The following MAP3K5 variants were observed in gnomAD, a reference collection of about 807,000 sequenced individuals.
MAP3K5 encodes the protein mitogen-activated protein kinase kinase kinase 5, also known as ASK-1.
A neutral mutation model predicts 158.7 loss-of-function variants in MAP3K5; 56 were observed. That is an observed-to-expected ratio of 0.35 (90% CI 0.28 to 0.44). The LOEUF is 0.44. MAP3K5 is among the 20% of genes least tolerant of loss of function. The probability of loss-of-function intolerance (pLI) is 1.00; values close to 1 mark genes in which losing one functional copy is unlikely to be tolerated. For missense variants in MAP3K5, 1,294 were observed against 1,674.8 expected (o/e 0.77, Z 3.97); for synonymous variants, 579 against 601.7 (o/e 0.96, Z 0.55).
chr6:136,644,668 G>T (rs1778159383), intron 11 of MAP3K5, among the ~76,000 whole-genome samples: 2 of 152,174 alleles, frequency 1.3e-5, no homozygotes, highest in Non-Finnish European at 2.9e-5. Context: ...AATAAATTTT[G>T]CCCAGGTTCA....
Position 136,695,958 on chromosome 6 carries a change from G to A in MAP3K5, c.1075C>T (p.Leu359=), listed in dbSNP as rs1780585499. 1 of 1,609,444 alleles carries A rather than the reference G, an allele frequency of 6.2e-7. No homozygotes were observed. Among genetic ancestry groups the A allele is most frequent in the Non-Finnish European group, 8.5e-7 (1 of 1,176,462 alleles). The change falls in exon 6 of 30, where the codon CTG becomes TTG. Residue 359 remains leucine (L), a synonymous_variant. Coordinates refer to ENST00000359015, the MANE Select transcript of MAP3K5 (RefSeq NM_005923.4). ...GGAACTTTTTCTTCTTACCTATTCA[G>A]TGCAAATGCATAATGAAACTTCACA... ...HHVKFHYAFA[L]NRRNLPGDRA... is the part of the protein sequence containing the mutation.
intron 7 of MAP3K5, among the ~76,000 whole-genome samples, chr6:136,676,514 T>C (rs1437673702): frequency 6.6e-6 from 1 of 152,174 alleles, no homozygotes; most frequent in Admixed American, 6.5e-5. Flanking sequence ...AATACTGATG[T>C]TGTTTATATA....
intron 1 of MAP3K5, among the ~76,000 whole-genome samples, chr6:136,739,439 A>G (rs1326598107): frequency 6.6e-6 from 1 of 152,204 alleles, no homozygotes; most frequent in Non-Finnish European, 1.5e-5. Context: ...AGAGTGGGCC[A>G]TGGGTCAGGG....
At chr6:136,779,333 C>T (rs957434339) in intron 1 of MAP3K5, among the ~76,000 whole-genome samples, 3 of 150,610 alleles carry the variant, frequency 2.0e-5, no homozygotes, top group African/African-American at 7.3e-5. Context: ...GTCCCAGCTA[C>T]GTGGGAGGCT....
intron 2 of MAP3K5, among the ~76,000 whole-genome samples, chr6:136,710,996 GAGA>G: frequency 6.6e-6 from 1 of 152,252 alleles, no homozygotes; most frequent in South Asian, 2.1e-4. Context: ...AGGCCTTGCT[GAGA>G]AGGAGAAACA....
chr6:136,678,727 A>T (rs1313275558), intron 7 of MAP3K5, among the ~76,000 whole-genome samples: 1 of 149,976 alleles, frequency 6.7e-6, no homozygotes, highest in Non-Finnish European at 1.5e-5. Context: ...GGGGCAAATA[A>T]TTTTTTTTTT....
At chr6:136,715,223 T>C (rs1332835061) in intron 2 of MAP3K5, among the ~76,000 whole-genome samples, 1 of 152,100 alleles carries the variant, frequency 6.6e-6, no homozygotes, top group South Asian at 2.1e-4. Context: ...TATCCAAATA[T>C]CTGAAGCTTT....
chr6:136,779,277 A>T (rs1784516092), intron 1 of MAP3K5, among the ~76,000 whole-genome samples: 1 of 151,730 alleles, frequency 6.6e-6, no homozygotes, highest in Non-Finnish European at 1.5e-5. Context: ...TAAATAAATA[A>T]ATAAAAACAT....
intron 25 of MAP3K5, among the ~76,000 whole-genome samples, chr6:136,572,058 G>T (rs1422337255): frequency 1.3e-5 from 2 of 152,162 alleles, no homozygotes; most frequent in African/African-American, 4.8e-5. Context: ...GATTGCAGGG[G>T]CTAAACGTAT....
chr6:136,789,242 C>T (rs1219690325), intron 1 of MAP3K5, among the ~76,000 whole-genome samples: 2 of 152,178 alleles, frequency 1.3e-5, no homozygotes, highest in East Asian at 1.9e-4. Flanking sequence ...CCCAGGAGTT[C>T]GAGCTAGCAG....
chr6:136,669,519 A>G (rs1375505779), intron 7 of MAP3K5, 124 bp from the exon 8 acceptor site: 3 of 627,842 alleles, frequency 4.8e-6, no homozygotes, highest in Non-Finnish European at 8.5e-6. Context: ...CCTTCACCCC[A>G]GAATCTGGTG....
intron 29 of MAP3K5, among the ~76,000 whole-genome samples, chr6:136,558,310 C>T (rs1359509959): frequency 6.6e-6 from 1 of 150,810 alleles, no homozygotes; most frequent in Admixed American, 6.6e-5. Flanking sequence ...ACCTGGGAGG[C>T]GGAGCTTGCA....
intron 10 of MAP3K5, among the ~76,000 whole-genome samples, chr6:136,653,974 T>C (rs976929041): frequency 1.3e-5 from 2 of 152,188 alleles, no homozygotes; most frequent in African/African-American, 4.8e-5. Flanking sequence ...AACACTGCAT[T>C]TTAGAGTCTT....
Position 136,613,085 on chromosome 6 carries a change from A to T in MAP3K5, c.2415+35T>A. ...AAGTAAAATAATAACCCAGCAAAGA[A>T]AGAACTCATGAAAATGAATGCTGGT... On this transcript the variant is annotated intron_variant, in intron 17 of 29. Transcript: ENST00000359015. This position sits in a 1 kb window ranked among gnomAD's most constrained non-coding sequence, Gnocchi z 4.0. 1 of 1,562,724 alleles carries T rather than the reference A, an allele frequency of 6.4e-7. No individual in the cohort carries two copies. Among genetic ancestry groups the T allele is most frequent in the Non-Finnish European group, 8.7e-7 (1 of 1,156,050 alleles).
chr6:136,580,324 G>A lies in MAP3K5; in HGVS notation c.3494C>T (p.Thr1165Ile), dbSNP rs1345591878. 1 of 1,612,880 alleles carries A rather than the reference G, an allele frequency of 6.2e-7. No homozygotes were observed. Among genetic ancestry groups the A allele is most frequent in the East Asian group, 2.2e-5 (1 of 44,850 alleles). The change falls in exon 25 of 30, where the codon ACA becomes ATA. Residue 1165 changes from threonine to isoleucine, a missense_variant. By Grantham distance (89) the Thr-to-Ile change is moderately conservative. Around this residue, in one of 5 missense-constraint regions of MAP3K5, gnomAD observed 362 missense variants for 463.2 expected, o/e 0.78. Coordinates refer to ENST00000359015, the MANE Select transcript of MAP3K5 (RefSeq NM_005923.4). ...LDSIIRKAVQTAITILVPELR... is the reference protein window; with the variant it reads ...LDSIIRKAVQIAITILVPELR... ...ACCTGGAACCAGGATGGTAATGGCTGTCTGTACCGCCTTCCGAATGATACT... is the reference window on the plus strand; with the variant it reads ...ACCTGGAACCAGGATGGTAATGGCTATCTGTACCGCCTTCCGAATGATACT...
intron 5 of MAP3K5, among the ~76,000 whole-genome samples, chr6:136,696,432 G>A (rs888873883): frequency 6.6e-6 from 1 of 152,186 alleles, no homozygotes; most frequent in Non-Finnish European, 1.5e-5. Context: ...TCAAGGACAT[G>A]AGGCAATGGG....
rs59144448 is a variant in MAP3K5 at position 136,738,942 on chromosome 6, G to GCACA, written c.449-18357_449-18354dup. Among the ~76,000 whole-genome samples the GCACA allele has an allele frequency of 5.8e-4, 87 of 149,794 alleles. 1 individual carries two copies. In the East Asian group the frequency reaches 7.9e-3, roughly 14 times the overall value. On this transcript the variant is annotated intron_variant, in intron 1 of 29. Transcript: ENST00000359015. ...AAGTCATCCAAACACACACACGCGT[G>GCACA]CACACACACACACACACACACACAC...
chr6:136,764,089 G>T (rs1385068015), intron 1 of MAP3K5, among the ~76,000 whole-genome samples: 1 of 152,078 alleles, frequency 6.6e-6, no homozygotes, highest in East Asian at 1.9e-4. Context: ...CTAAGCTACT[G>T]CCCTGCTGAT....
chr6:136,725,187 A>T (rs1300968655), intron 1 of MAP3K5, among the ~76,000 whole-genome samples: 1 of 152,192 alleles, frequency 6.6e-6, no homozygotes. Context: ...CTTTATATAG[A>T]CACATGCTTT....
Sources: gnomAD v4.1 joint callset for allele counts (sites outside exome capture counted in the v4.1 genomes callset) on GRCh38, gnomAD v4.1.1 for gene constraint, gnomAD v4.1.1 regional missense constraint, Gnocchi (gnomAD v3.1) non-coding constraint, MANE v1.5 for transcripts, NCBI Gene and HGNC (gene_info 2026-07-23, HGNC 2026-07-21) for gene names.